The following TMBIM4 variants were observed in gnomAD, a reference collection of about 807,000 sequenced individuals.
TMBIM4 encodes transmembrane BAX inhibitor motif containing 4, also known as protein lifeguard 4.
A neutral mutation model predicts 27.7 loss-of-function variants in TMBIM4; 28 were observed. The observed-to-expected ratio is 1.01, with a 90% CI of 0.75 to 1.38. TMBIM4 has a LOEUF of 1.38. Ranked by LOEUF, TMBIM4 falls within the 40% of genes most tolerant of loss-of-function variation. TMBIM4 has a pLI of 0.00. For synonymous variants in TMBIM4, 115 were observed against 113.1 expected (o/e 1.02, Z -0.11); for missense variants, 265 against 277.5 (o/e 0.95, Z 0.32).
intron 4 of TMBIM4, among the ~76,000 whole-genome samples, chr12:66,147,439 C>G (rs1311873435): frequency 6.6e-6 from 1 of 152,132 alleles, no homozygotes; most frequent in Non-Finnish European, 1.5e-5. Flanking sequence ...ACATATTTAA[C>G]ATGAAATACA....
intron 4 of TMBIM4, among the ~76,000 whole-genome samples, chr12:66,146,992 C>T (rs1474228611): frequency 6.6e-6 from 1 of 152,090 alleles, no homozygotes; most frequent in African/African-American, 2.4e-5. Flanking sequence ...GAATCTCTCT[C>T]CTACATTCTT....
chr12:66,157,869 T>C (rs1276092187), intron 1 of TMBIM4, among the ~76,000 whole-genome samples: 1 of 152,174 alleles, frequency 6.6e-6, no homozygotes, highest in Non-Finnish European at 1.5e-5. Flanking sequence ...GAGTGTTGAA[T>C]GTACCTGCTG....
At chr12:66,164,074 A>C (rs2052086479) in intron 1 of TMBIM4, among the ~76,000 whole-genome samples, 1 of 152,252 alleles carries the variant, frequency 6.6e-6, no homozygotes, top group African/African-American at 2.4e-5. Flanking sequence ...GGGGAAAAAG[A>C]AACATGATCA....
intron 3 of TMBIM4, 128 bp downstream of exon 3, chr12:66,152,143 A>T: frequency 2.4e-6 from 1 of 421,980 alleles, no homozygotes; most frequent in Non-Finnish European, 4.1e-6. Context: ...AATTACAATT[A>T]ATTTCCTAAA....
chr12:66,151,149 CTCAT>C (rs1287824127), intron 3 of TMBIM4, among the ~76,000 whole-genome samples: 1 of 146,022 alleles, frequency 6.8e-6, no homozygotes, highest in Non-Finnish European at 1.5e-5. Context: ...TTAACACAAA[CTCAT>C]TATCAGAATT....
chr12:66,169,200 C>T (rs2052188607), intron 1 of TMBIM4: 2 of 689,180 alleles, frequency 2.9e-6, no homozygotes, highest in Non-Finnish European at 5.3e-6. Flanking sequence ...CAGGCAATGG[C>T]TTCCACGTAG....
chr12:66,145,959 C>A lies in TMBIM4; in HGVS notation c.347-1G>T. The A allele has an allele frequency of 6.7e-7, 1 of 1,483,782 alleles. No homozygotes were observed. Among genetic ancestry groups the A allele is most frequent in the Non-Finnish European group, 9.3e-7 (1 of 1,074,826 alleles). The allele number at this position is 1,483,782 out of a possible 1,614,324, so 91.9% of individuals were successfully genotyped here. On this transcript the variant is annotated splice_acceptor_variant, in intron 4 of 6. Coordinates refer to ENST00000358230, the MANE Select transcript of TMBIM4 (RefSeq NM_016056.4). LOFTEE classifies it high-confidence loss of function. ...ATAATATATACATCATAGAAAGTAA[C>A]TGTAAAATTAAAACACTGATTAACA...
rs1282254934 is a variant in TMBIM4, at chr12:66,166,224, G to A, written c.97+3631C>T. Among the ~76,000 whole-genome samples the A allele has an allele frequency of 2.0e-5, 3 of 152,000 alleles. No individual in the cohort carries two copies. In the East Asian group the frequency reaches 5.8e-4, roughly 29 times the overall value. On this transcript the variant is annotated intron_variant, in intron 1 of 6. Coordinates refer to ENST00000358230, the MANE Select transcript of TMBIM4 (RefSeq NM_016056.4). ...TTATGCCTGTAATCCCGGCACTTTC[G>A]GAGGCCAAGGTGGGTGGATCACTTG...
At chr12:66,139,530 T>G in intron 5 of TMBIM4, 2 of 437,668 alleles carry the variant, frequency 4.6e-6, no homozygotes, top group South Asian at 3.2e-5. Flanking sequence ...TTGCCCCAGC[T>G]ACAGAGGGTT....
intron 1 of TMBIM4, among the ~76,000 whole-genome samples, chr12:66,160,759 C>G (rs569720004): frequency 2.6e-4 from 39 of 152,354 alleles, no homozygotes; most frequent in Non-Finnish European, 4.3e-4. Flanking sequence ...GGTTGCACAG[C>G]GGCCGAGCAG....
At chr12:66,143,550 A>C (rs758311627) in intron 5 of TMBIM4, among the ~76,000 whole-genome samples, 1 of 152,174 alleles carries the variant, frequency 6.6e-6, no homozygotes, top group Non-Finnish European at 1.5e-5. Context: ...ACTCTAGCAC[A>C]CCAATGACCA....
chr12:66,136,485 C>T lies in TMBIM4; in HGVS notation c.*1475G>A, dbSNP rs1285978038. 6.5e-6 allele frequency: 1 copy of T among 154,186 alleles called. No homozygotes were observed. The highest frequency in any genetic ancestry group is 2.4e-5 in the African/African-American group (1 of 41,490). 9.6% of individuals were successfully genotyped at this position (154,186 alleles called of 1,614,324 possible). A position where few individuals can be genotyped will look rare whatever the true frequency, so the allele number is the denominator to read the frequency against. On this transcript the variant is annotated 3_prime_UTR_variant, in exon 7 of 7. Coordinates refer to ENST00000358230, the MANE Select transcript of TMBIM4 (RefSeq NM_016056.4). ...GGGGTGTTATGGGCTGAGTTGTAGT[C>T]CCCCCAAAATTCACATGAAGAAATC...
At chr12:66,141,612 A>G (rs901434861) in intron 5 of TMBIM4, among the ~76,000 whole-genome samples, 1 of 152,134 alleles carries the variant, frequency 6.6e-6, no homozygotes, top group Non-Finnish European at 1.5e-5. Context: ...ACACAAATAC[A>G]TTAAAAATAA....
chr12:66,138,517 A>G (rs1442501011), intron 6 of TMBIM4, among the ~76,000 whole-genome samples: 1 of 152,158 alleles, frequency 6.6e-6, no homozygotes, highest in East Asian at 1.9e-4. Context: ...TCATTTATTC[A>G]TTCATCTTTT....
At chr12:66,156,977 C>T (rs113774533) in intron 1 of TMBIM4, among the ~76,000 whole-genome samples, 2,858 of 152,258 alleles carry the variant, frequency 0.019, 92 homozygotes, top group African/African-American at 0.064. Flanking sequence ...ATCATTTCCT[C>T]TGGGACAGTG....
At chr12:66,157,335 T>C (rs2051954634) in intron 1 of TMBIM4, among the ~76,000 whole-genome samples, 1 of 152,158 alleles carries the variant, frequency 6.6e-6, no homozygotes. Flanking sequence ...TGAATAGCCC[T>C]GTGAGTAGCC....
chr12:66,163,719 G>A (rs2052080342), intron 1 of TMBIM4, among the ~76,000 whole-genome samples: 1 of 152,276 alleles, frequency 6.6e-6, no homozygotes, highest in Admixed American at 6.5e-5. Flanking sequence ...CTATCAGACA[G>A]AATCTGAGAA....
chr12:66,138,752 C>T lies in TMBIM4; in HGVS notation c.482G>A (p.Trp161Ter). Residue 161 changes from tryptophan to a stop codon, truncating the protein, a stop_gained, in exon 6 of 7, where the codon TGG becomes TAG. Coordinates refer to ENST00000358230, the MANE Select transcript of TMBIM4 (RefSeq NM_016056.4). LOFTEE classifies it high-confidence loss of function. ...KFGAGLFALL[W>*]ILCLSGFLKF... ...CAAGAATCCTGACAGGCACAATATC[C>T]ACAAAAGAGCAAACAGCCTATAAAA... The T allele has an allele frequency of 6.5e-7, 1 of 1,542,412 alleles. No homozygotes were observed. The highest frequency in any genetic ancestry group is 8.7e-7 in the Non-Finnish European group (1 of 1,153,782).
At chr12:66,163,123 C>A (rs949838609) in intron 1 of TMBIM4, among the ~76,000 whole-genome samples, 2 of 152,166 alleles carry the variant, frequency 1.3e-5, no homozygotes, top group African/African-American at 4.8e-5. Context: ...CAGATACCAC[C>A]TCTACTCATT....
Sources: gnomAD v4.1 joint callset for allele counts (sites outside exome capture counted in the v4.1 genomes callset) on GRCh38, gnomAD v4.1.1 for gene constraint, MANE v1.5 for transcripts, NCBI Gene and HGNC (gene_info 2026-07-23, HGNC 2026-07-21) for gene names.